Variants in ANKRD44 observed in about 807,000 individuals in gnomAD.
ANKRD44 encodes serine/threonine-protein phosphatase 6 regulatory ankyrin repeat subunit B.
Under a neutral mutation model 116.0 loss-of-function variants are expected in ANKRD44, and 35 were observed. The observed-to-expected ratio is 0.30, with a 90% CI of 0.23 to 0.40. The LOEUF (loss-of-function observed/expected upper bound fraction) is 0.40, where lower values mean the gene tolerates loss of function less well. ANKRD44 is among the 10% of genes least tolerant of loss of function. ANKRD44 has a pLI of 1.00. For missense variants in ANKRD44, 1,014 were observed against 1,242.6 expected, an observed-to-expected ratio of 0.82 and a Z score of 2.77; for synonymous variants, 435 against 461.8, an observed-to-expected ratio of 0.94 and a Z score of 0.74.
rs75600123 is a variant in ANKRD44, at chr2:197,153,225, CAAAAAAAAAA to C, written c.112-6130_112-6121del. ...TCTGGGTGACAGAGCAAGACCCTGC[CAAAAAAAAAA>C]AAAAAAAAAAAAGAAGAAACAAGAA... On this transcript the variant is annotated intron_variant, in intron 2 of 27. Coordinates refer to ENST00000282272, the MANE Select transcript of ANKRD44 (RefSeq NM_001195144.2). 3.7e-4 allele frequency among the ~76,000 whole-genome samples: 26 copies of C among 69,340 alleles called. No homozygotes were observed. The South Asian group carries it at 4.8e-3, about 13-fold the overall frequency. The allele number at this position is 69,340 out of a possible 152,430, so 45.5% of individuals were successfully genotyped here.
intron 8 of ANKRD44, 80 bp downstream of exon 8, chr2:197,121,252 G>T: frequency 7.4e-7 from 1 of 1,357,252 alleles, no homozygotes; most frequent in Non-Finnish European, 1.1e-6. Context: ...CTAAAACATG[G>T]CATAATTTGC....
chr2:197,084,245 CT>C (rs1424322077), intron 13 of ANKRD44, among the ~76,000 whole-genome samples: 2 of 152,124 alleles, frequency 1.3e-5, no homozygotes, highest in African/African-American at 4.8e-5. Flanking sequence ...TTGAGGCTTT[CT>C]GGATCATGTC....
chr2:197,062,831 T>A (rs1278906821), intron 16 of ANKRD44, among the ~76,000 whole-genome samples: 1 of 152,242 alleles, frequency 6.6e-6, no homozygotes, highest in African/African-American at 2.4e-5. Flanking sequence ...AAGCTCGAAC[T>A]GGGTGGAGCC....
intron 9 of ANKRD44, among the ~76,000 whole-genome samples, chr2:197,109,457 C>T (rs2078514419): frequency 6.6e-6 from 1 of 152,222 alleles, no homozygotes; most frequent in Non-Finnish European, 1.5e-5. Flanking sequence ...CCTATAGCTT[C>T]ACTGGAATGC....
intron 9 of ANKRD44, among the ~76,000 whole-genome samples, chr2:197,102,775 A>T (rs1312586374): frequency 2.0e-5 from 3 of 152,228 alleles, no homozygotes; most frequent in Non-Finnish European, 4.4e-5. Context: ...GTCCTCAAAC[A>T]TACAAACAAA....
At chr2:197,257,145 T>C (rs953529157) in intron 1 of ANKRD44, among the ~76,000 whole-genome samples, 1 of 152,212 alleles carries the variant, frequency 6.6e-6, no homozygotes, top group African/African-American at 2.4e-5. Flanking sequence ...TTAAGCAGAT[T>C]CCAGGACTCT....
At chr2:196,986,558 C>G (rs558020750), downstream of ANKRD44, 125 of 335,568 alleles carry the variant, frequency 3.7e-4, no homozygotes, top group Non-Finnish European at 5.1e-4. Flanking sequence ...ACACTTTTAT[C>G]TTGATTATTT....
At chr2:197,140,538 C>T (rs111909203) in intron 3 of ANKRD44, among the ~76,000 whole-genome samples, 4 of 152,284 alleles carry the variant, frequency 2.6e-5, no homozygotes, top group African/African-American at 7.2e-5. Flanking sequence ...TCACGCTGGT[C>T]TCAAACTTCT....
intron 1 of ANKRD44, among the ~76,000 whole-genome samples, chr2:197,273,497 C>T (rs962227350): frequency 6.6e-6 from 1 of 152,206 alleles, no homozygotes; most frequent in Admixed American, 6.5e-5. Context: ...CGCCAAAATG[C>T]TTTGCCTTTG....
chr2:196,973,900 TAG>T (rs1018198726), intron 21 of ANKRD44, among the ~76,000 whole-genome samples: 4 of 152,196 alleles, frequency 2.6e-5, no homozygotes, highest in Non-Finnish European at 5.9e-5. Flanking sequence ...CCATGGTTAT[TAG>T]ACTTTTATGT....
chr2:197,197,407 CAG>C, intron 1 of ANKRD44, among the ~76,000 whole-genome samples: 1 of 152,174 alleles, frequency 6.6e-6, no homozygotes, highest in East Asian at 1.9e-4. Flanking sequence ...CCCCCTCCAA[CAG>C]GGGATAAAAG....
chr2:196,990,380 C>A, intron 27 of ANKRD44: 2 of 1,048,894 alleles, frequency 1.9e-6, no homozygotes, highest in Non-Finnish European at 2.3e-6. Flanking sequence ...TGCCTCTCTG[C>A]TGCATTATCC....
chr2:197,120,200 G>C (rs1477177590), intron 8 of ANKRD44, among the ~76,000 whole-genome samples: 1 of 152,170 alleles, frequency 6.6e-6, no homozygotes, highest in African/African-American at 2.4e-5. Context: ...TACACTGTAA[G>C]TTCCTTAAAG....
At chr2:197,246,993 T>A (rs2082207389) in intron 1 of ANKRD44, among the ~76,000 whole-genome samples, 1 of 152,182 alleles carries the variant, frequency 6.6e-6, no homozygotes, top group Non-Finnish European at 1.5e-5. Context: ...ACCAGGTATC[T>A]CTGTATCTTT....
chr2:197,050,170 C>A (rs1394760889), intron 16 of ANKRD44, among the ~76,000 whole-genome samples: 1 of 152,064 alleles, frequency 6.6e-6, no homozygotes, highest in Non-Finnish European at 1.5e-5. Flanking sequence ...AGGCTACACA[C>A]CTTTAAATGA....
intron 20 of ANKRD44, among the ~76,000 whole-genome samples, chr2:197,006,981 T>TACCACAG (rs2076213185): frequency 2.0e-5 from 3 of 152,036 alleles, no homozygotes; most frequent in Non-Finnish European, 4.4e-5. Flanking sequence ...GGCATGCACC[T>TACCACAG]GTGGTCCCAG....
intron 16 of ANKRD44, among the ~76,000 whole-genome samples, chr2:197,036,826 T>C (rs1559009953): frequency 6.6e-6 from 1 of 152,256 alleles, no homozygotes; most frequent in Non-Finnish European, 1.5e-5. Flanking sequence ...AATGTTCATA[T>C]ACTTTTGACC....
chr2:197,056,461 C>T (rs1166662580), intron 16 of ANKRD44, among the ~76,000 whole-genome samples: 1 of 151,986 alleles, frequency 6.6e-6, no homozygotes, highest in Non-Finnish European at 1.5e-5. Context: ...ACTTTTTATG[C>T]TGTTGAAAAT....
intron 2 of ANKRD44, among the ~76,000 whole-genome samples, chr2:197,178,085 C>T (rs2080411503): frequency 6.6e-6 from 1 of 152,288 alleles, no homozygotes; most frequent in East Asian, 1.9e-4. Flanking sequence ...TGCCAAACTG[C>T]CCTCCAAAGG....
Sources: gnomAD v4.1 joint callset for allele counts (sites outside exome capture counted in the v4.1 genomes callset) on GRCh38, gnomAD v4.1.1 for gene constraint, MANE v1.5 for transcripts, NCBI Gene and HGNC (gene_info 2026-07-23, HGNC 2026-07-21) for gene names.